Variants in PHIP observed in about 807,000 individuals in gnomAD.
PHIP encodes the protein PH-interacting protein.
A neutral mutation model predicts 236.8 loss-of-function variants in PHIP; 54 were observed. The ratio of observed to expected loss-of-function variants is 0.23; its 90% confidence interval spans 0.18 to 0.29. The LOEUF (loss-of-function observed/expected upper bound fraction) is 0.29. Ranked by LOEUF, PHIP falls within the 10% of genes least tolerant of loss-of-function variation. PHIP has a pLI of 1.00. For synonymous variants in PHIP, 756 were observed against 718.9 expected (o/e 1.05, Z -0.83); for missense variants, 1,370 against 2,190.8 (o/e 0.63, Z 7.48).
intron 4 of PHIP, 75 bp downstream of exon 4, chr6:79,077,373 T>TA: frequency 7.3e-7 from 1 of 1,368,602 alleles, no homozygotes; most frequent in Non-Finnish European, 1.0e-6. Context: ...TTTGTCTCTG[T>TA]AAAAAATTGC....
chr6:78,972,365 A>G (rs1477940977), intron 24 of PHIP, among the ~76,000 whole-genome samples: 1 of 152,220 alleles, frequency 6.6e-6, no homozygotes, highest in East Asian at 1.9e-4. Flanking sequence ...ATCCACATCA[A>G]AAACCCATCT....
chr6:78,968,598 A>G (rs980821839), intron 27 of PHIP, among the ~76,000 whole-genome samples: 4 of 152,362 alleles, frequency 2.6e-5, no homozygotes, highest in East Asian at 3.9e-4. Context: ...TATAACTTCA[A>G]TACAACTGTG....
chr6:79,077,933 G>T lies in PHIP; in HGVS notation c.41-20C>A, dbSNP rs772142946. ...AGAGCTCTGCGCGGGAGAGAGGGACGGGGAGACACACAGGCTGAGCGGTCG... is the reference window on the plus strand; with the variant it reads ...AGAGCTCTGCGCGGGAGAGAGGGACTGGGAGACACACAGGCTGAGCGGTCG... On this transcript the variant is annotated intron_variant, in intron 1 of 39. Coordinates refer to ENST00000275034, the MANE Select transcript of PHIP (RefSeq NM_017934.7). The T allele has an allele frequency of 1.3e-6, 2 of 1,593,586 alleles. No individual in the cohort carries two copies. Among genetic ancestry groups the T allele is most frequent in the East Asian group, 2.3e-5 (1 of 43,966 alleles).
intron 23 of PHIP, 31 bp from the exon 24 acceptor site, chr6:78,978,742 A>C: frequency 6.5e-7 from 1 of 1,546,378 alleles, no homozygotes; most frequent in Non-Finnish European, 8.9e-7. Flanking sequence ...ATTGTTAAGT[A>C]ATAATCAAAA....
intron 6 of PHIP, 27 bp from the exon 7 acceptor site, chr6:79,043,030 T>A (rs1037789030): frequency 1.3e-6 from 2 of 1,572,836 alleles, no homozygotes; most frequent in Non-Finnish European, 1.7e-6. Flanking sequence ...GGAAAATAAA[T>A]GTAATCTGGA....
chr6:78,935,373 ATT>A lies in PHIP; in HGVS notation c.*5318_*5319del, dbSNP rs1773233394. 3.5e-6 allele frequency: 1 copy of A among 284,462 alleles called. No homozygotes were observed. The highest frequency in any genetic ancestry group is 2.3e-5 in the African/African-American group (1 of 43,820). 17.6% of individuals were successfully genotyped at this position (284,462 alleles called of 1,614,324 possible). On this transcript the variant is annotated 3_prime_UTR_variant, in exon 40 of 40. Coordinates refer to ENST00000275034, the MANE Select transcript of PHIP (RefSeq NM_017934.7). ...TAATGGTCTTCATGCTAAAATTGGG[ATT>A]CTTAGTCAATAAAAATGCATGCCAA...
chr6:78,963,268 A>G lies in PHIP; in HGVS notation c.3380-16T>C. 1 of 1,588,998 alleles carries G rather than the reference A, an allele frequency of 6.3e-7. No individual in the cohort carries two copies. Among genetic ancestry groups the G allele is most frequent in the South Asian group, 1.2e-5 (1 of 85,632 alleles). ...GGAAATACAGCTGAAATAGAAAAGCAGATCATTGCAAATACATGGTAACTT... is the reference window on the plus strand; with the variant it reads ...GGAAATACAGCTGAAATAGAAAAGCGGATCATTGCAAATACATGGTAACTT... On this transcript the variant is annotated splice_polypyrimidine_tract_variant and intron_variant, in intron 29 of 39. Transcript: ENST00000275034.
intron 22 of PHIP, among the ~76,000 whole-genome samples, chr6:78,983,939 G>T (rs139828650): frequency 6.6e-6 from 1 of 152,072 alleles, no homozygotes; most frequent in Non-Finnish European, 1.5e-5. Context: ...TTTAGTATGT[G>T]AGCATATTTA....
intron 24 of PHIP, among the ~76,000 whole-genome samples, chr6:78,976,043 C>A (rs1466446619): frequency 6.6e-6 from 1 of 151,874 alleles, no homozygotes; most frequent in Non-Finnish European, 1.5e-5. Context: ...TCATATGGAA[C>A]CAAAAAAGGG....
chr6:79,026,460 T>C (rs1771404865), intron 7 of PHIP, among the ~76,000 whole-genome samples: 1 of 33,988 alleles, frequency 2.9e-5, no homozygotes. Context: ...AAATTGAACT[T>C]CTGAAATAAA....
In PHIP at chr6:78,946,064, T is replaced by G. The variant is rs1185410694; in HGVS notation, c.4567A>C (p.Thr1523Pro). The part of the protein sequence containing the change: ...VDPVVTEQPS[T>P]SSAAKTFITK... ...ATAAAAGTCTTTGCAGCTGAAGAAG[T>G]AGATGGTTGCTCAGTGACAACTGGA... The change falls in exon 38 of 40, where the codon ACT becomes CCT. Residue 1523 changes from threonine to proline, a missense_variant. Coordinates refer to ENST00000275034, the MANE Select transcript of PHIP (RefSeq NM_017934.7). 6.2e-7 allele frequency: 1 copy of G among 1,612,506 alleles called. No individual in the cohort carries two copies. Among genetic ancestry groups the G allele is most frequent in the Non-Finnish European group, 8.5e-7 (1 of 1,178,532 alleles).
In PHIP at chr6:79,072,477, G is replaced by A. The variant is rs138687566; in HGVS notation, c.189+4971C>T. Among the ~76,000 whole-genome samples, 762 of 118,472 alleles carry A rather than the reference G, an allele frequency of 6.4e-3. 5 individuals carry two copies. Among genetic ancestry groups the A allele is most frequent in the Non-Finnish European group, 9.5e-3 (503 of 52,724 alleles). 77.7% of individuals were successfully genotyped at this position (118,472 alleles called of 152,430 possible). A position where few individuals can be genotyped will look rare whatever the true frequency, so the allele number is the denominator to read the frequency against. On this transcript the variant is annotated intron_variant, in intron 4 of 39. Coordinates refer to ENST00000275034, the MANE Select transcript of PHIP (RefSeq NM_017934.7). ...CTATAAAGTAATTATAGTATCTTCC[G>A]AAGATTTTTTTTTTCTTTTCTTGAG...
chr6:79,000,952 C>T lies in PHIP; in HGVS notation c.1879+947G>A, dbSNP rs1459804610. Reference sequence around the variant, plus strand: ...AGCCCCTTCTATCCAGTATGTCCATCTTTATTGCAACTTCATGCTAAATCC... The same window carrying T: ...AGCCCCTTCTATCCAGTATGTCCATTTTTATTGCAACTTCATGCTAAATCC... On this transcript the variant is annotated intron_variant, in intron 17 of 39. Coordinates refer to ENST00000275034, the MANE Select transcript of PHIP (RefSeq NM_017934.7). Among the ~76,000 whole-genome samples, 6 of 151,988 alleles carry T rather than the reference C, an allele frequency of 3.9e-5. No homozygotes were observed. The East Asian group carries it at 1.2e-3, about 29-fold the overall frequency.
At position 78,969,994 on chromosome 6, in the gene PHIP, T is replaced by C. The variant is rs141911878; in HGVS notation, c.3122+55A>G. On this transcript the variant is annotated intron_variant, in intron 26 of 39. Transcript: ENST00000275034. ...AAAGATGTTCAAATGTATCTGAATCTTGAAAAACAATCTACAATACTAAGA... is the reference window on the plus strand; with the variant it reads ...AAAGATGTTCAAATGTATCTGAATCCTGAAAAACAATCTACAATACTAAGA... 7.5e-6 allele frequency: 12 copies of C among 1,600,654 alleles called. No homozygotes were observed. The East Asian group carries it at 1.3e-4, about 18-fold the overall frequency.
chr6:78,984,769 A>G (rs117804774), intron 22 of PHIP, among the ~76,000 whole-genome samples: 3,625 of 152,274 alleles, frequency 0.024, 46 homozygotes, highest in Non-Finnish European at 0.037. Flanking sequence ...GTCTATTTTA[A>G]GAGCCACTAA....
intron 35 of PHIP, among the ~76,000 whole-genome samples, chr6:78,954,258 C>T (rs983773031): frequency 2.8e-5 from 4 of 142,188 alleles, no homozygotes; most frequent in Admixed American, 7.1e-5. Flanking sequence ...CCCGCCCACA[C>T]GCCTGGCTAA....
At chr6:78,947,971 T>C (rs1773921251) in intron 35 of PHIP, among the ~76,000 whole-genome samples, 196 bp from the exon 36 acceptor site, 1 of 151,732 alleles carries the variant, frequency 6.6e-6, no homozygotes, top group Non-Finnish European at 1.5e-5. Flanking sequence ...TATACTGCAA[T>C]CAACAATAAT....
intron 7 of PHIP, among the ~76,000 whole-genome samples, chr6:79,040,899 T>TC (rs1305183069): frequency 6.6e-6 from 1 of 151,694 alleles, no homozygotes; most frequent in Non-Finnish European, 1.5e-5. Flanking sequence ...CTTTAGACTT[T>TC]GGTAAGACCA....
At chr6:79,022,174 C>A (rs1017349627) in intron 9 of PHIP, among the ~76,000 whole-genome samples, 9 of 152,172 alleles carry the variant, frequency 5.9e-5, no homozygotes, top group African/African-American at 1.9e-4. Context: ...AAGAGTGCGA[C>A]CTTAGGCCAA....
Sources: allele counts gnomAD v4.1 joint callset (sites outside exome capture counted in the v4.1 genomes callset), GRCh38; gene constraint gnomAD v4.1.1; transcripts MANE v1.5; gene names NCBI Gene and HGNC (gene_info 2026-07-23, HGNC 2026-07-21).